E2F3: variants seen among roughly 807,000 people sequenced by gnomAD.
E2F3 encodes the protein E2F transcription factor 3.
Under a neutral mutation model 44.4 loss-of-function variants are expected in E2F3, and 11 were observed. The observed-to-expected ratio is 0.25, with a 90% confidence interval of 0.16 to 0.41. E2F3 has a LOEUF of 0.41. Among genes scored for constraint, E2F3 ranks in the 10% least tolerant of loss-of-function variants. The pLI is 1.00. For synonymous variants in E2F3, 249 were observed against 253.0 expected (o/e 0.98, Z 0.15); for missense variants, 487 against 583.6 (o/e 0.83, Z 1.70).
chr6:20,450,181 T>C (rs1316066769), intron 1 of E2F3, among the ~76,000 whole-genome samples: 2 of 152,088 alleles, frequency 1.3e-5, no homozygotes, highest in Non-Finnish European at 2.9e-5. Context: ...GTAGTTTTTT[T>C]GGTCCTTGAG....
chr6:20,463,271 A>G (rs1227745127), intron 1 of E2F3, among the ~76,000 whole-genome samples: 1 of 152,190 alleles, frequency 6.6e-6, no homozygotes, highest in East Asian at 1.9e-4. Flanking sequence ...AATTGTGGCC[A>G]GGTGCAGTGG....
At chr6:20,489,353 A>G (rs1762490648) in intron 6 of E2F3, among the ~76,000 whole-genome samples, 1 of 152,278 alleles carries the variant, frequency 6.6e-6, no homozygotes, top group African/African-American at 2.4e-5. Flanking sequence ...AGTCCCAGCT[A>G]TAGGGAGGCT....
chr6:20,481,084 T>A, intron 2 of E2F3, 122 bp from the exon 3 acceptor site: 1 of 876,828 alleles, frequency 1.1e-6, no homozygotes, highest in Non-Finnish European at 1.7e-6. Flanking sequence ...ACGACAGCCT[T>A]GCTTCAGATA....
intron 1 of E2F3, among the ~76,000 whole-genome samples, chr6:20,410,116 C>G (rs904757512): frequency 2.0e-5 from 3 of 152,148 alleles, no homozygotes; most frequent in African/African-American, 7.2e-5. Flanking sequence ...AACTCAGGGT[C>G]TGTATATTTC....
chr6:20,432,253 A>G (rs874449), intron 1 of E2F3, among the ~76,000 whole-genome samples: 118,248 of 152,186 alleles, frequency 0.78, 49,208 homozygotes, highest in East Asian at 0.93. Context: ...TCCATCTTGT[A>G]TAGAACTCAC....
intron 1 of E2F3, among the ~76,000 whole-genome samples, chr6:20,468,163 C>A (rs1393979703): frequency 3.3e-5 from 5 of 152,206 alleles, no homozygotes; most frequent in African/African-American, 1.2e-4. Context: ...GGGCGTCCTC[C>A]AATTCAATTC....
In E2F3 at chr6:20,479,938, A is replaced by C; in HGVS notation, c.486A>C (p.Arg162=). 6.2e-7 allele frequency: 1 copy of C among 1,610,614 alleles called. No individual in the cohort carries two copies. Among genetic ancestry groups the C allele is most frequent in the Non-Finnish European group, 8.5e-7 (1 of 1,178,294 alleles). ...AGGGCAAAGGAAGAGCTGCACTACGAAGTCCAGATAGTCCAAAAAGTAAGG... is the reference window on the plus strand; with the variant it reads ...AGGGCAAAGGAAGAGCTGCACTACGCAGTCCAGATAGTCCAAAAAGTAAGG... ...TPKGKGRAAL[R]SPDSPKTPKS... Residue 162 remains arginine (R), a synonymous_variant, in exon 2 of 7, where the codon CGA becomes CGC. Coordinates refer to ENST00000346618, the MANE Select transcript of E2F3 (RefSeq NM_001949.5).
intron 1 of E2F3, among the ~76,000 whole-genome samples, chr6:20,467,036 G>A (rs959191009): frequency 6.6e-6 from 1 of 152,084 alleles, no homozygotes; most frequent in Non-Finnish European, 1.5e-5. Flanking sequence ...CCACCTTCCT[G>A]TGAGGAGTCC....
chr6:20,447,195 A>C (rs967832074), intron 1 of E2F3, among the ~76,000 whole-genome samples: 11 of 152,176 alleles, frequency 7.2e-5, no homozygotes, highest in Admixed American at 1.3e-4. Context: ...GAAGAGTATG[A>C]CCAGCCAGTG....
intron 1 of E2F3, among the ~76,000 whole-genome samples, chr6:20,442,690 C>T (rs1357478382): frequency 2.0e-5 from 3 of 152,072 alleles, no homozygotes; most frequent in South Asian, 2.1e-4. Context: ...TATCTCAGGC[C>T]GGGTGAGGTG....
intron 1 of E2F3, among the ~76,000 whole-genome samples, chr6:20,422,091 A>G (rs1239587133): frequency 6.6e-6 from 1 of 152,242 alleles, no homozygotes; most frequent in Non-Finnish European, 1.5e-5. Flanking sequence ...TTTCATCTAC[A>G]TTGAAGATCT....
rs1398863309 is a variant in E2F3 at position 20,481,445 on chromosome 6, A to G, written c.725+20A>G. Reference sequence around the variant, plus strand: ...ATGGATGTGAGTAGGAGTCCTCCCCATGCCCCGGCTCTGAGGGGGTCGTTT... The same window carrying G: ...ATGGATGTGAGTAGGAGTCCTCCCCGTGCCCCGGCTCTGAGGGGGTCGTTT... On this transcript the variant is annotated intron_variant, in intron 3 of 6. Coordinates refer to ENST00000346618, the MANE Select transcript of E2F3 (RefSeq NM_001949.5). 1 of 1,611,736 alleles carries G rather than the reference A, an allele frequency of 6.2e-7. No individual in the cohort carries two copies. The highest frequency in any genetic ancestry group is 2.2e-5 in the East Asian group (1 of 44,854).
In E2F3 at chr6:20,402,740, G is replaced by A; in HGVS notation, c.393+115G>A. On this transcript the variant is annotated intron_variant, in intron 1 of 6. Coordinates refer to ENST00000346618, the MANE Select transcript of E2F3 (RefSeq NM_001949.5). The surrounding 1 kb of genome is among the most constrained non-coding windows in gnomAD (Gnocchi z 5.6). ...GAGAGCACTGGGCCGAGCATCGTGG[G>A]CCTCGGGGGCTGCCCCTCCAACGAG... 12 of 1,248,692 alleles carry A rather than the reference G, an allele frequency of 9.6e-6. No homozygotes were observed. Among genetic ancestry groups the A allele is most frequent in the Non-Finnish European group, 1.2e-5 (12 of 998,116 alleles). The allele number at this position is 1,248,692 out of a possible 1,614,324, so 77.4% of individuals were successfully genotyped here.
intron 1 of E2F3, among the ~76,000 whole-genome samples, chr6:20,412,227 G>T (rs534792940): frequency 2.0e-5 from 3 of 152,154 alleles, no homozygotes; most frequent in Non-Finnish European, 2.9e-5. Context: ...CAGCTGGGCC[G>T]TGAGATGGGG....
intron 1 of E2F3, chr6:20,437,787 T>A (rs977880259): frequency 8.5e-5 from 13 of 152,214 alleles, no homozygotes; most frequent in African/African-American, 2.9e-4. Context: ...TGAGAGATTC[T>A]CTAATCTATT....
chr6:20,413,455 A>C (rs906604901), intron 1 of E2F3, among the ~76,000 whole-genome samples: 3 of 152,218 alleles, frequency 2.0e-5, no homozygotes, highest in Non-Finnish European at 2.9e-5. Flanking sequence ...CAGGGCCCCA[A>C]GCCTCATACC....
In E2F3 at chr6:20,455,844, C is replaced by G. The variant is rs189115176; in HGVS notation, c.394-24002C>G. The stretch of plus-strand genomic sequence containing the variant: ...ACTCCAGGCAATTCTAGAACCAACC[C>G]TTGGGAACCCAGGGAAAGAACTCTG... On this transcript the variant is annotated intron_variant, in intron 1 of 6. Transcript: ENST00000346618. 2.5e-3 allele frequency among the ~76,000 whole-genome samples: 387 copies of G among 152,238 alleles called. 4 individuals carry two copies. The highest frequency in any genetic ancestry group is 8.8e-3 in the African/African-American group (367 of 41,542).
At chr6:20,466,836 C>A (rs1232115857) in intron 1 of E2F3, among the ~76,000 whole-genome samples, 1 of 152,092 alleles carries the variant, frequency 6.6e-6, no homozygotes, top group African/African-American at 2.4e-5. Flanking sequence ...TGCCTGCCAC[C>A]ACGCCCAGCC....
chr6:20,433,085 G>A (rs955203754), intron 1 of E2F3, among the ~76,000 whole-genome samples: 1 of 152,198 alleles, frequency 6.6e-6, no homozygotes, highest in Admixed American at 6.5e-5. Context: ...AATGTTGCCC[G>A]ACGCTCACTA....
Sources: gnomAD v4.1 joint callset for allele counts (sites outside exome capture counted in the v4.1 genomes callset) on GRCh38, gnomAD v4.1.1 for gene constraint, Gnocchi (gnomAD v3.1) non-coding constraint, MANE v1.5 for transcripts, NCBI Gene and HGNC (gene_info 2026-07-23, HGNC 2026-07-21) for gene names.